Variants in GMDS observed in about 807,000 individuals in gnomAD.
GMDS encodes the protein GDP-mannose 4,6-dehydratase.
Under a neutral mutation model 49.9 loss-of-function variants are expected in GMDS, and 20 were observed. That is an observed-to-expected ratio of 0.40 (90% CI 0.28 to 0.58). GMDS has a LOEUF of 0.58. GMDS is among the 20% of genes least tolerant of loss of function. The pLI, the probability that GMDS is intolerant of heterozygous loss-of-function variation, is 0.42. For synonymous variants in GMDS, 177 were observed against 178.6 expected, an observed-to-expected ratio of 0.99 and a Z score of 0.07; for missense variants, 362 against 481.4, an observed-to-expected ratio of 0.75 and a Z score of 2.32.
At chr6:1,775,736 A>G (rs1479195591) in intron 7 of GMDS, among the ~76,000 whole-genome samples, 2 of 152,194 alleles carry the variant, frequency 1.3e-5, no homozygotes, top group African/African-American at 2.4e-5. Context: ...TTTTTCTTCT[A>G]GAAACTTCTG....
chr6:1,965,406 A>G (rs1266621757), intron 4 of GMDS, among the ~76,000 whole-genome samples: 1 of 152,232 alleles, frequency 6.6e-6, no homozygotes, highest in Non-Finnish European at 1.5e-5. Flanking sequence ...ATGCTACAGG[A>G]TAAGATTAGC....
In GMDS at chr6:1,678,539, C is replaced by G. The variant is rs566079579; in HGVS notation, c.987+47877G>C. On this transcript the variant is annotated intron_variant, in intron 9 of 10. Coordinates refer to ENST00000380815, the MANE Select transcript of GMDS (RefSeq NM_001500.4). Reference sequence around the variant, plus strand: ...TGAGTGACAACTTCCTTGCTCCTTACAAGTTGGGCTGGAATCAGAAGTGAG... The same window carrying G: ...TGAGTGACAACTTCCTTGCTCCTTAGAAGTTGGGCTGGAATCAGAAGTGAG... 9.2e-5 allele frequency among the ~76,000 whole-genome samples: 14 copies of G among 152,140 alleles called. No homozygotes were observed. The East Asian group carries it at 2.3e-3, about 25-fold the overall frequency.
chr6:1,767,548 C>T (rs943336510), intron 7 of GMDS, among the ~76,000 whole-genome samples: 3 of 152,210 alleles, frequency 2.0e-5, no homozygotes, highest in Non-Finnish European at 4.4e-5. Flanking sequence ...CCACCACTCC[C>T]GAGTCTCCCA....
Position 2,011,712 on chromosome 6 carries a change from C to T in GMDS, c.346-50746G>A, listed in dbSNP as rs150184199. 3.4e-3 allele frequency among the ~76,000 whole-genome samples: 519 copies of T among 152,238 alleles called. 2 individuals carry two copies. The highest frequency in any genetic ancestry group is 5.6e-3 in the Non-Finnish European group (378 of 68,014). On this transcript the variant is annotated intron_variant, in intron 4 of 10. Transcript: ENST00000380815. ...AAGGATTTGCCTGAGGCAAGGAGTT[C>T]GTGACCATCCTGGGCAACATAATGA...
chr6:1,702,693 C>T (rs913939452), intron 9 of GMDS, among the ~76,000 whole-genome samples: 5 of 152,182 alleles, frequency 3.3e-5, no homozygotes, highest in Non-Finnish European at 4.4e-5. Context: ...ATCTTAAGAG[C>T]TTCAGCAGGA....
intron 1 of GMDS, among the ~76,000 whole-genome samples, chr6:2,171,702 T>C (rs909146893): frequency 1.3e-5 from 2 of 152,132 alleles, no homozygotes; most frequent in Non-Finnish European, 2.9e-5. Flanking sequence ...AAATACATAG[T>C]GTGAAACTAT....
At chr6:2,086,362 T>A (rs911524830) in intron 4 of GMDS, among the ~76,000 whole-genome samples, 11 of 152,212 alleles carry the variant, frequency 7.2e-5, no homozygotes, top group Non-Finnish European at 1.0e-4. Context: ...AAGACATTGA[T>A]CTTACACAAT....
chr6:2,026,205 G>A (rs984857990), intron 4 of GMDS, among the ~76,000 whole-genome samples: 1 of 152,086 alleles, frequency 6.6e-6, no homozygotes, highest in Admixed American at 6.5e-5. Context: ...TGGGCTTTCT[G>A]GCCATGTGGC....
Position 1,957,271 on chromosome 6 carries a change from T to C in GMDS, c.643+2596A>G, listed in dbSNP as rs78500763. Among the ~76,000 whole-genome samples, 1,069 of 152,346 alleles carry C rather than the reference T, an allele frequency of 7.0e-3. 35 individuals are homozygous for C. In the East Asian group the frequency reaches 0.1, roughly 14 times the overall value. ...TATTCATTCATTTAAAAATATTTACTGAATGCTTATTAGCAATTAGGCATT... is the reference window on the plus strand; with the variant it reads ...TATTCATTCATTTAAAAATATTTACCGAATGCTTATTAGCAATTAGGCATT... On this transcript the variant is annotated intron_variant, in intron 6 of 10. Coordinates refer to ENST00000380815, the MANE Select transcript of GMDS (RefSeq NM_001500.4).
chr6:2,208,967 A>T (rs527668591), intron 1 of GMDS, among the ~76,000 whole-genome samples: 1 of 152,244 alleles, frequency 6.6e-6, no homozygotes, highest in South Asian at 2.1e-4. Context: ...GAATATTACC[A>T]AACTTAATTC....
chr6:1,908,741 C>T (rs1212444432), intron 7 of GMDS, among the ~76,000 whole-genome samples: 2 of 152,218 alleles, frequency 1.3e-5, no homozygotes, highest in Admixed American at 6.5e-5. Context: ...CTCTTCCCTA[C>T]GGCTGTTTGC....
chr6:1,866,296 T>C (rs775936717), intron 7 of GMDS, among the ~76,000 whole-genome samples: 2 of 152,240 alleles, frequency 1.3e-5, no homozygotes, highest in Non-Finnish European at 2.9e-5. Context: ...TCTGCAATGC[T>C]GCAGAGAACA....
chr6:1,696,558 C>T (rs1260438187), intron 9 of GMDS, among the ~76,000 whole-genome samples: 1 of 152,236 alleles, frequency 6.6e-6, no homozygotes, highest in Non-Finnish European at 1.5e-5. Flanking sequence ...CGCTTTCACA[C>T]GTTACTGACA....
chr6:2,033,912 G>C (rs1384908161), intron 4 of GMDS, among the ~76,000 whole-genome samples: 3 of 152,156 alleles, frequency 2.0e-5, no homozygotes, highest in Admixed American at 6.6e-5. Flanking sequence ...CAGATCCGAA[G>C]GAGACTGTGT....
intron 4 of GMDS, among the ~76,000 whole-genome samples, chr6:2,055,653 T>C (rs944217064): frequency 2.6e-5 from 4 of 152,116 alleles, no homozygotes; most frequent in Admixed American, 2.6e-4. Flanking sequence ...CTCCCCTTGG[T>C]TTATATTCCT....
intron 1 of GMDS, among the ~76,000 whole-genome samples, chr6:2,242,104 A>G (rs1369420508): frequency 6.6e-6 from 1 of 152,206 alleles, no homozygotes; most frequent in East Asian, 1.9e-4. Flanking sequence ...ACATGTAAAT[A>G]CAGAGGAAGT....
intron 4 of GMDS, among the ~76,000 whole-genome samples, chr6:2,093,621 T>C (rs935805173): frequency 6.6e-6 from 1 of 152,100 alleles, no homozygotes; most frequent in Non-Finnish European, 1.5e-5. Context: ...TTCTTCAAGG[T>C]GAAAGACTCA....
At chr6:1,895,291 C>T (rs1760098061) in intron 7 of GMDS, among the ~76,000 whole-genome samples, 1 of 152,124 alleles carries the variant, frequency 6.6e-6, no homozygotes, top group Non-Finnish European at 1.5e-5. Flanking sequence ...AAAGATGAAC[C>T]GTTTCTCCGC....
intron 7 of GMDS, among the ~76,000 whole-genome samples, chr6:1,851,714 T>A (rs1158539099): frequency 2.6e-5 from 4 of 152,286 alleles, no homozygotes; most frequent in Admixed American, 6.5e-5. Flanking sequence ...CTATATTTTT[T>A]AAAAATAATA....
Sources: allele counts gnomAD v4.1 joint callset (sites outside exome capture counted in the v4.1 genomes callset), GRCh38; gene constraint gnomAD v4.1.1; transcripts MANE v1.5; gene names NCBI Gene and HGNC (gene_info 2026-07-23, HGNC 2026-07-21).